The following ZBTB20 variants were observed in gnomAD, a reference collection of about 807,000 sequenced individuals.
ZBTB20 encodes zinc finger and BTB domain containing 20.
ZBTB20 carries 9 observed loss-of-function variants against 56.9 expected under a neutral mutation model. The ratio of observed to expected loss-of-function variants is 0.16; its 90% confidence interval spans 0.10 to 0.28. ZBTB20 has a LOEUF of 0.28. Among genes scored for constraint, ZBTB20 ranks in the 10% least tolerant of loss-of-function variants. ZBTB20 has a pLI of 1.00. For missense variants in ZBTB20, 655 were observed against 1,003.0 expected (o/e 0.65, Z 4.69); for synonymous variants, 417 against 420.7 (o/e 0.99, Z 0.11).
At chr3:114,707,592 A>G (rs763529351) in intron 5 of ZBTB20, among the ~76,000 whole-genome samples, 2 of 152,238 alleles carry the variant, frequency 1.3e-5, no homozygotes, top group South Asian at 2.1e-4. Context: ...GGGAACTCAA[A>G]GCTACCACAT....
intron 6 of ZBTB20, among the ~76,000 whole-genome samples, chr3:114,618,665 T>C (rs1284064572): frequency 4.6e-5 from 7 of 152,180 alleles, no homozygotes; most frequent in Non-Finnish European, 1.0e-4. Flanking sequence ...GTACAGTCTG[T>C]GTACAGTAAG....
intron 11 of ZBTB20, among the ~76,000 whole-genome samples, chr3:114,346,221 T>C (rs1435074558): frequency 2.0e-5 from 3 of 152,216 alleles, no homozygotes; most frequent in African/African-American, 7.2e-5. Context: ...TTTCAGAGTT[T>C]AAATTCCAAA....
At position 114,328,428 on chromosome 3, in the gene ZBTB20, G is replaced by A. The variant is rs2079128894; in HGVS notation, c.*10577C>T. On this transcript the variant is annotated 3_prime_UTR_variant, in exon 12 of 12. Coordinates refer to ENST00000675478, the MANE Select transcript of ZBTB20 (RefSeq NM_001348800.3). Reference sequence around the variant, plus strand: ...ACAAGTAATTTGACTAGTGGAAACAGTCAACATTAATGATTCTTTTTTTCT... The same window carrying A: ...ACAAGTAATTTGACTAGTGGAAACAATCAACATTAATGATTCTTTTTTTCT... 1 of 151,730 alleles carries A rather than the reference G, an allele frequency of 6.6e-6. No homozygotes were observed. The highest frequency in any genetic ancestry group is 1.5e-5 in the Non-Finnish European group (1 of 67,974). The allele number at this position is 151,730 out of a possible 1,614,324, so 9.4% of individuals were successfully genotyped here. A position where few individuals can be genotyped will look rare whatever the true frequency, so the allele number is the denominator to read the frequency against.
Position 114,350,759 on chromosome 3 carries a change from T to C in ZBTB20, c.1319A>G (p.Glu440Gly), listed in dbSNP as rs1383829753. The C allele has an allele frequency of 1.9e-6, 3 of 1,614,134 alleles. No homozygotes were observed. The highest frequency in any genetic ancestry group is 2.5e-6 in the Non-Finnish European group (3 of 1,179,998). Residue 440 changes from glutamate (E) to glycine (G), a missense_variant, in exon 11 of 12, where the codon GAG (glutamate) becomes GGG (glycine). Physicochemically the swap from Glu to Gly is moderately conservative, Grantham distance 98. Transcript: ENST00000675478. ...ASSPERSNEV[E>G]MDSTVITVSN... ...GACAGTGATAACAGTGCTGTCCATC[T>C]CCACTTCATTGCTTCTCTCCGGAGA...
chr3:114,881,310 T>G (rs2076389303), intron 4 of ZBTB20, among the ~76,000 whole-genome samples: 1 of 152,098 alleles, frequency 6.6e-6, no homozygotes, highest in Admixed American at 6.5e-5. Flanking sequence ...TGCCTTTTAA[T>G]AACAATGATT....
At chr3:114,799,688 T>C (rs2108835928) in intron 5 of ZBTB20, among the ~76,000 whole-genome samples, 1 of 152,080 alleles carries the variant, frequency 6.6e-6, no homozygotes, top group African/African-American at 2.4e-5. Flanking sequence ...GTTTGAACTG[T>C]TGTAGTTATG....
intron 2 of ZBTB20, among the ~76,000 whole-genome samples, chr3:115,002,909 G>A (rs956356622): frequency 1.3e-5 from 2 of 151,562 alleles, no homozygotes; most frequent in African/African-American, 4.8e-5. Flanking sequence ...AGGCAACGAC[G>A]ATGTCTTTAA....
At chr3:114,607,908 G>A (rs146136353) in intron 6 of ZBTB20, among the ~76,000 whole-genome samples, 40 of 152,252 alleles carry the variant, frequency 2.6e-4, no homozygotes, top group African/African-American at 7.2e-4. Flanking sequence ...TTTAACATTC[G>A]TAACAATGTA....
chr3:114,789,771 G>C (rs1447922045), intron 5 of ZBTB20, among the ~76,000 whole-genome samples: 2 of 152,040 alleles, frequency 1.3e-5, no homozygotes, highest in East Asian at 1.9e-4. Flanking sequence ...ACTTATACTA[G>C]AACAAAAGTC....
chr3:114,931,221 A>G (rs2076348991), intron 3 of ZBTB20: 1 of 195,086 alleles, frequency 5.1e-6, no homozygotes, highest in Non-Finnish European at 1.1e-5. Flanking sequence ...TTTATAGACC[A>G]CGATTCCTCA....
intron 4 of ZBTB20, among the ~76,000 whole-genome samples, chr3:114,829,594 T>C (rs771097778): frequency 3.3e-5 from 5 of 151,904 alleles, no homozygotes; most frequent in Non-Finnish European, 5.9e-5. Flanking sequence ...AATTTTTCTA[T>C]TGGAGAGAAT....
At chr3:114,883,916 C>CTTTTTTTTTTTTTTT (rs869141975) in intron 4 of ZBTB20, among the ~76,000 whole-genome samples, 1 of 89,774 alleles carries the variant, frequency 1.1e-5, no homozygotes, top group African/African-American at 4.0e-5. Context: ...ATGGTGTGTT[C>CTTTTTTTTTTTTTTT]TTTTTTTTTT....
intron 2 of ZBTB20, among the ~76,000 whole-genome samples, chr3:115,046,119 G>A (rs923900194): frequency 1.3e-5 from 2 of 152,152 alleles, no homozygotes; most frequent in African/African-American, 4.8e-5. Flanking sequence ...CTGAATTCGA[G>A]ATGGCTCTGT....
chr3:114,913,033 G>T (rs1233549978), intron 3 of ZBTB20, among the ~76,000 whole-genome samples: 1 of 151,978 alleles, frequency 6.6e-6, no homozygotes, highest in East Asian at 1.9e-4. Context: ...AACTAGTGCT[G>T]CAATAAACAT....
intron 1 of ZBTB20, among the ~76,000 whole-genome samples, chr3:115,097,954 G>A (rs1223316636): frequency 2.0e-5 from 3 of 152,086 alleles, no homozygotes; most frequent in Non-Finnish European, 4.4e-5. Flanking sequence ...TGAAGGTTAA[G>A]AATTATAATG....
At chr3:115,142,659 C>CAAAA (rs535455119) in intron 1 of ZBTB20, among the ~76,000 whole-genome samples, 1 of 107,824 alleles carries the variant, frequency 9.3e-6, no homozygotes, top group African/African-American at 3.3e-5. Context: ...AAGACTCCAT[C>CAAAA]AAAAAAAAAA....
At chr3:114,754,982 A>C (rs1325892727) in intron 5 of ZBTB20, among the ~76,000 whole-genome samples, 2 of 152,208 alleles carry the variant, frequency 1.3e-5, no homozygotes, top group Non-Finnish European at 2.9e-5. Context: ...AGTGGACTTC[A>C]AACTTTATTA....
At chr3:114,885,332 T>C (rs963594392) in intron 4 of ZBTB20, among the ~76,000 whole-genome samples, 1 of 152,198 alleles carries the variant, frequency 6.6e-6, no homozygotes, top group Non-Finnish European at 1.5e-5. Context: ...ATTCAAGTCT[T>C]ATAATTCAAA....
chr3:114,773,377 C>T (rs986588370), intron 5 of ZBTB20, among the ~76,000 whole-genome samples: 9 of 152,148 alleles, frequency 5.9e-5, no homozygotes, highest in Non-Finnish European at 1.5e-5. Context: ...GGCCAACAGA[C>T]ACATTAGTTT....
Sources: gnomAD v4.1 joint callset for allele counts (sites outside exome capture counted in the v4.1 genomes callset) on GRCh38, gnomAD v4.1.1 for gene constraint, MANE v1.5 for transcripts, NCBI Gene and HGNC (gene_info 2026-07-23, HGNC 2026-07-21) for gene names.